Variants in PCDH15 observed in about 807,000 individuals in gnomAD.
PCDH15 encodes the protein protocadherin related 15, also known as protocadherin-15.
A neutral mutation model predicts 178.5 loss-of-function variants in PCDH15; 129 were observed. That is an observed-to-expected ratio of 0.72 (90% CI 0.63 to 0.84). PCDH15 has a LOEUF of 0.84. PCDH15 is among the 40% of genes least tolerant of loss of function. The probability of loss-of-function intolerance (pLI) is 0.00; values close to 1 mark genes in which losing one functional copy is unlikely to be tolerated. For missense variants in PCDH15, 2,230 were observed against 2,099.9 expected (o/e 1.06, Z -1.21); for synonymous variants, 800 against 732.0 (o/e 1.09, Z -1.50).
intron 1 of PCDH15, among the ~76,000 whole-genome samples, chr10:55,257,824 C>T (rs1010594177): frequency 6.6e-6 from 1 of 152,138 alleles, no homozygotes; most frequent in Non-Finnish European, 1.5e-5. Context: ...GGAGAACTTC[C>T]CCAATCTAGC....
At chr10:53,927,262 TA>T (rs2084647328) in intron 25 of PCDH15, among the ~76,000 whole-genome samples, 1 of 152,054 alleles carries the variant, frequency 6.6e-6, no homozygotes, top group Non-Finnish European at 1.5e-5. Context: ...AGATAATAAG[TA>T]ATATCTAATT....
At chr10:54,637,383 A>G (rs1044936989) in intron 2 of PCDH15, among the ~76,000 whole-genome samples, 4 of 151,918 alleles carry the variant, frequency 2.6e-5, no homozygotes, top group Non-Finnish European at 5.9e-5. Context: ...CCTAAAATCG[A>G]GGTGTGGACA....
intron 28 of PCDH15, among the ~76,000 whole-genome samples, chr10:53,852,609 A>T (rs568746599): frequency 6.6e-6 from 1 of 152,206 alleles, no homozygotes; most frequent in Non-Finnish European, 1.5e-5. Flanking sequence ...CTTAGCTATC[A>T]AAGTGTACTG....
intron 3 of PCDH15, among the ~76,000 whole-genome samples, chr10:54,447,659 A>G (rs1403713469): frequency 2.0e-5 from 3 of 151,738 alleles, no homozygotes; most frequent in African/African-American, 7.2e-5. Flanking sequence ...AAATTGAAAC[A>G]TAACAGCTTA....
intron 2 of PCDH15, among the ~76,000 whole-genome samples, chr10:54,663,212 A>C (rs953304550): frequency 6.6e-6 from 1 of 151,938 alleles, no homozygotes; most frequent in Non-Finnish European, 1.5e-5. Flanking sequence ...CAATCAGTTT[A>C]GCCAAGCAAA....
chr10:54,274,429 T>C (rs2058229127), intron 8 of PCDH15, among the ~76,000 whole-genome samples: 1 of 151,994 alleles, frequency 6.6e-6, no homozygotes, highest in African/African-American at 2.4e-5. Flanking sequence ...ATATTTTTAG[T>C]GTATATTTTA....
chr10:55,548,527 G>T (rs1284441726), intron 2 of PCDH15, among the ~76,000 whole-genome samples: 1 of 152,128 alleles, frequency 6.6e-6, no homozygotes, highest in East Asian at 1.9e-4. Context: ...TAATGGATTA[G>T]AAATAAGTGA....
At chr10:54,610,777 T>C (rs1206836575) in intron 2 of PCDH15, among the ~76,000 whole-genome samples, 2 of 151,686 alleles carry the variant, frequency 1.3e-5, no homozygotes, top group African/African-American at 4.8e-5. Context: ...TGAAGATAAG[T>C]TGGTTTAAAG....
At chr10:54,163,703 T>C (rs1215407781) in intron 13 of PCDH15, among the ~76,000 whole-genome samples, 2 of 152,136 alleles carry the variant, frequency 1.3e-5, no homozygotes, top group East Asian at 1.9e-4. Flanking sequence ...CAAGTAGAGA[T>C]GGCTTTTAGG....
chr10:54,825,323 G>A (rs371162349), intron 3 of PCDH15, among the ~76,000 whole-genome samples: 3,982 of 147,860 alleles, frequency 0.027, 111 homozygotes, highest in African/African-American at 0.092. Context: ...GAATAGTGCC[G>A]CAATAAACAT....
chr10:54,307,107 T>C (rs2060590021), intron 8 of PCDH15, among the ~76,000 whole-genome samples: 2 of 22,128 alleles, frequency 9.0e-5, no homozygotes, highest in South Asian at 2.3e-3. Flanking sequence ...TGTGTGTGTA[T>C]ATATATATAT....
intron 3 of PCDH15, among the ~76,000 whole-genome samples, chr10:54,436,112 AAAG>A (rs2075394167): frequency 6.7e-6 from 1 of 149,922 alleles, no homozygotes; most frequent in South Asian, 2.1e-4. Flanking sequence ...GGAAGGAAGG[AAAG>A]AAGGAAAGAA....
chr10:55,446,629 T>G (rs77231532), intron 2 of PCDH15, among the ~76,000 whole-genome samples: 236 of 152,246 alleles, frequency 1.6e-3, no homozygotes, highest in East Asian at 0.011. Flanking sequence ...TGCGATGGTC[T>G]CATCATGGGT....
intron 3 of PCDH15, among the ~76,000 whole-genome samples, chr10:54,473,135 C>T (rs1035096532): frequency 3.3e-5 from 5 of 151,756 alleles, no homozygotes; most frequent in South Asian, 2.1e-4. Context: ...CATTAAGAGC[C>T]GGAAAATGGT....
chr10:55,191,173 T>G (rs1228401848), intron 1 of PCDH15, among the ~76,000 whole-genome samples: 2 of 151,726 alleles, frequency 1.3e-5, no homozygotes, highest in Non-Finnish European at 3.0e-5. Flanking sequence ...ACTCTGATTT[T>G]CAGTCCCTAT....
chr10:54,500,222 A>T (rs1210858001), intron 3 of PCDH15, among the ~76,000 whole-genome samples: 1 of 152,128 alleles, frequency 6.6e-6, no homozygotes, highest in Non-Finnish European at 1.5e-5. Flanking sequence ...ACATGTTTTC[A>T]CTTATAAGTG....
At chr10:54,780,049 T>C (rs886335266) in intron 1 of PCDH15, among the ~76,000 whole-genome samples, 2 of 151,990 alleles carry the variant, frequency 1.3e-5, no homozygotes, top group African/African-American at 4.8e-5. Flanking sequence ...CCCTTTGGGG[T>C]GGTTTGCTTG....
At position 53,937,874 on chromosome 10, in the gene PCDH15, G is replaced by A. The variant is rs147631856; in HGVS notation, c.3373+941C>T. 2.8e-3 allele frequency among the ~76,000 whole-genome samples: 430 copies of A among 152,036 alleles called. 2 individuals are homozygous for A. Among genetic ancestry groups the A allele is most frequent in the African/African-American group, 9.9e-3 (412 of 41,480 alleles). On this transcript the variant is annotated intron_variant, in intron 25 of 37. Coordinates refer to ENST00000644397, the MANE Select transcript of PCDH15 (RefSeq NM_001384140.1). ...TCTAAGAACGCTCGCTTGCTGAAAT[G>A]CCTTGAAATGATGTCCAGGGATAGT...
intron 2 of PCDH15, among the ~76,000 whole-genome samples, chr10:54,966,099 C>G (rs1446407155): frequency 6.6e-6 from 1 of 151,748 alleles, no homozygotes; most frequent in Admixed American, 6.6e-5. Flanking sequence ...TCTATAGGAA[C>G]ATGGTCAACA....
Sources: allele counts gnomAD v4.1 joint callset (sites outside exome capture counted in the v4.1 genomes callset), GRCh38; gene constraint gnomAD v4.1.1; transcripts MANE v1.5; gene names NCBI Gene and HGNC (gene_info 2026-07-23, HGNC 2026-07-21).